The following ANO4 variants were observed in gnomAD, a reference collection of about 807,000 sequenced individuals.
ANO4 encodes anoctamin 4, also known as anoctamin-4.
In ANO4, 69 loss-of-function variants were observed where a neutral mutation model predicts 141.9. The ratio of observed to expected loss-of-function variants is 0.49; its 90% CI spans 0.40 to 0.59. ANO4 has a LOEUF of 0.59. Ranked by LOEUF, ANO4 falls within the 20% of genes least tolerant of loss-of-function variation. ANO4 has a pLI of 0.00. For synonymous variants in ANO4, 350 were observed against 394.3 expected, an observed-to-expected ratio of 0.89 and a Z score of 1.33; for missense variants, 894 against 1,162.2, an observed-to-expected ratio of 0.77 and a Z score of 3.36.
chr12:100,761,229 G>A (rs941731210), intron 3 of ANO4, among the ~76,000 whole-genome samples: 13 of 152,152 alleles, frequency 8.5e-5, no homozygotes, highest in African/African-American at 2.7e-4. Context: ...GCATGAAGAA[G>A]TTTTGGCTGC....
intron 9 of ANO4, among the ~76,000 whole-genome samples, chr12:101,028,545 A>T (rs2136537616): frequency 6.6e-6 from 1 of 152,350 alleles, no homozygotes; most frequent in African/African-American, 2.4e-5. Context: ...AAGTATCAGT[A>T]GCTGAATTGA....
upstream of ANO4, among the ~76,000 whole-genome samples, chr12:100,789,922 T>A (rs1470942223): frequency 6.6e-6 from 1 of 152,224 alleles, no homozygotes; most frequent in Non-Finnish European, 1.5e-5. Context: ...TGTTATCTGC[T>A]ATTTGTATTT....
At chr12:100,848,319 T>G (rs1301728090) in intron 1 of ANO4, among the ~76,000 whole-genome samples, 1 of 152,142 alleles carries the variant, frequency 6.6e-6, no homozygotes, top group Non-Finnish European at 1.5e-5. Flanking sequence ...CTTGTTTCAT[T>G]TCTAGTCACT....
intron 3 of ANO4, among the ~76,000 whole-genome samples, chr12:100,754,670 C>T (rs1273765557): frequency 6.6e-6 from 1 of 152,128 alleles, no homozygotes; most frequent in Non-Finnish European, 1.5e-5. Context: ...CCCAAATGTC[C>T]ATCCATGGAT....
rs558114727 is a variant in ANO4, at chr12:100,907,550, C to T, written c.55+5710C>T. 5.3e-5 allele frequency among the ~76,000 whole-genome samples: 8 copies of T among 152,286 alleles called. No homozygotes were observed. The East Asian group carries it at 5.8e-4, about 11-fold the overall frequency. On this transcript the variant is annotated intron_variant, in intron 2 of 27. Transcript: ENST00000392977. ...CTCCTCAATTCATCTTTGTATCTTC[C>T]GTCACTCCTAACATCATGCGTTGTC...
At chr12:100,873,930 G>A (rs1012510872) in intron 1 of ANO4, among the ~76,000 whole-genome samples, 48 of 152,184 alleles carry the variant, frequency 3.2e-4, no homozygotes, top group Non-Finnish European at 5.7e-4. Context: ...GCTGACCTGC[G>A]CTACCTCAGG....
At chr12:100,807,274 T>C (rs1003300696) in intron 1 of ANO4, among the ~76,000 whole-genome samples, 2 of 152,274 alleles carry the variant, frequency 1.3e-5, no homozygotes, top group East Asian at 1.9e-4. Flanking sequence ...CATGGAAGGG[T>C]ATCATCATCT....
chr12:100,877,540 G>T (rs2039375093), intron 1 of ANO4, among the ~76,000 whole-genome samples: 2 of 151,276 alleles, frequency 1.3e-5, no homozygotes, highest in South Asian at 4.2e-4. Flanking sequence ...ATGAGGTGAG[G>T]TCAGCAGCTG....
intron 1 of ANO4, among the ~76,000 whole-genome samples, chr12:100,850,805 G>T (rs1267015148): frequency 6.6e-6 from 1 of 152,062 alleles, no homozygotes; most frequent in Non-Finnish European, 1.5e-5. Context: ...TGATTATATA[G>T]ATTTCTTCAC....
At chr12:100,902,038 G>C (rs2040618865) in intron 2 of ANO4, among the ~76,000 whole-genome samples, 198 bp downstream of exon 2, 1 of 152,194 alleles carries the variant, frequency 6.6e-6, no homozygotes, top group Non-Finnish European at 1.5e-5. Context: ...AGAGCTTGGT[G>C]GTTCAGAGAA....
At position 101,110,655 on chromosome 12, in the gene ANO4, T is replaced by C. The variant is rs531492671; in HGVS notation, c.2302+99T>C. Reference sequence around the variant, plus strand: ...TTTAGATTTTTAATTATGTTTTCCATTTAATATAATTCACCTAATTTTTGC... The same window carrying C: ...TTTAGATTTTTAATTATGTTTTCCACTTAATATAATTCACCTAATTTTTGC... On this transcript the variant is annotated intron_variant, in intron 23 of 27. Transcript: ENST00000392977. 4 of 1,094,650 alleles carry C rather than the reference T, an allele frequency of 3.7e-6. No individual in the cohort carries two copies. In the Admixed American group the frequency reaches 1.1e-4, roughly 30 times the overall value. 67.8% of individuals were successfully genotyped at this position (1,094,650 alleles called of 1,614,324 possible).
intron 1 of ANO4, among the ~76,000 whole-genome samples, chr12:100,870,096 G>T (rs1360495846): frequency 2.6e-5 from 4 of 152,154 alleles, no homozygotes; most frequent in African/African-American, 9.7e-5. Context: ...ATTCATGAAG[G>T]GTTATAGAGG....
At chr12:100,902,242 G>A (rs955439001) in intron 2 of ANO4, among the ~76,000 whole-genome samples, 1 of 152,170 alleles carries the variant, frequency 6.6e-6, no homozygotes, top group African/African-American at 2.4e-5. Flanking sequence ...GGTTATCTGT[G>A]TTGGCTTGCC....
At chr12:100,971,260 G>T (rs2043923669) in intron 5 of ANO4, 46 bp from the exon 6 acceptor site, 1 of 1,383,270 alleles carries the variant, frequency 7.2e-7, no homozygotes, top group Non-Finnish European at 1.0e-6. Context: ...TAAACTGTGG[G>T]AGCCTTGAAT....
At chr12:101,047,966 T>G in intron 13 of ANO4, 1 of 992,186 alleles carries the variant, frequency 1.0e-6, no homozygotes, top group Non-Finnish European at 1.2e-6. Context: ...CTTGGGAAGT[T>G]GAAAACCTTT....
At chr12:100,880,309 G>A (rs930823375) in intron 1 of ANO4, among the ~76,000 whole-genome samples, 9 of 152,120 alleles carry the variant, frequency 5.9e-5, no homozygotes, top group African/African-American at 2.2e-4. Context: ...AATAGCAATG[G>A]CTAATATTTA....
intron 3 of ANO4, among the ~76,000 whole-genome samples, chr12:100,926,424 G>T (rs1369784946): frequency 6.6e-6 from 1 of 152,080 alleles, no homozygotes; most frequent in Non-Finnish European, 1.5e-5. Flanking sequence ...CCTGTCATGT[G>T]TCAGGTACTG....
intron 3 of ANO4, among the ~76,000 whole-genome samples, chr12:100,930,990 A>G (rs1390540969): frequency 6.6e-6 from 1 of 152,160 alleles, no homozygotes; most frequent in African/African-American, 2.4e-5. Context: ...GCCTATTAGA[A>G]GGGAGTAAAA....
chr12:100,989,892 G>GTGGA (rs757057834), intron 8 of ANO4, among the ~76,000 whole-genome samples: 57 of 134,266 alleles, frequency 4.2e-4, no homozygotes, highest in South Asian at 7.7e-4. Context: ...GGATGGATGG[G>GTGGA]TGGATGGATG....
Sources: allele counts gnomAD v4.1 joint callset (sites outside exome capture counted in the v4.1 genomes callset), GRCh38; gene constraint gnomAD v4.1.1; transcripts MANE v1.5; gene names NCBI Gene and HGNC (gene_info 2026-07-23, HGNC 2026-07-21).